The following TMEM132B variants were observed in gnomAD, a reference collection of about 807,000 sequenced individuals.
TMEM132B encodes the protein transmembrane protein 132B.
In TMEM132B, 18 loss-of-function variants were observed where a neutral mutation model predicts 90.8. That is an observed-to-expected ratio of 0.20 (90% CI 0.14 to 0.29). TMEM132B has a LOEUF of 0.29. Ranked by LOEUF, TMEM132B falls within the 10% of genes least tolerant of loss-of-function variation. The pLI is 1.00. For synonymous variants in TMEM132B, 504 were observed against 523.3 expected, an observed-to-expected ratio of 0.96 and a Z score of 0.50; for missense variants, 1,096 against 1,326.8, an observed-to-expected ratio of 0.83 and a Z score of 2.70.
chr12:125,371,365 A>G (rs751391256), intron 2 of TMEM132B, among the ~76,000 whole-genome samples: 3 of 152,180 alleles, frequency 2.0e-5, no homozygotes, highest in Non-Finnish European at 4.4e-5. Flanking sequence ...TAATCATCAC[A>G]GCTGGGAAGA....
intron 5 of TMEM132B, chr12:125,587,245 A>G (rs1273026867): frequency 2.0e-5 from 3 of 149,830 alleles, no homozygotes; most frequent in South Asian, 4.2e-4. Context: ...GCACACACAC[A>G]AGAAGCCTTA....
At chr12:125,515,436 T>TC (rs1883108354) in intron 3 of TMEM132B, among the ~76,000 whole-genome samples, 2 of 124,488 alleles carry the variant, frequency 1.6e-5, no homozygotes, top group Admixed American at 8.4e-5. Flanking sequence ...CTCTCACACA[T>TC]ACACACATTC....
At chr12:125,359,358 A>G (rs978807819) in intron 2 of TMEM132B, among the ~76,000 whole-genome samples, 18 of 152,198 alleles carry the variant, frequency 1.2e-4, no homozygotes, top group African/African-American at 4.3e-4. Flanking sequence ...AATCTATAAT[A>G]TACTTTAGCA....
chr12:125,454,639 C>G (rs1055497971), intron 3 of TMEM132B, among the ~76,000 whole-genome samples: 1 of 152,208 alleles, frequency 6.6e-6, no homozygotes, highest in Admixed American at 6.5e-5. Flanking sequence ...TTATTTATCT[C>G]TTAGGAAAGG....
At chr12:125,255,921 A>G (rs1250038818) in intron 1 of TMEM132B, among the ~76,000 whole-genome samples, 1 of 152,144 alleles carries the variant, frequency 6.6e-6, no homozygotes, top group Admixed American at 6.5e-5. Flanking sequence ...TAGTAAATTC[A>G]CCTGGGCCCT....
chr12:125,508,802 A>G (rs963261576), intron 3 of TMEM132B, among the ~76,000 whole-genome samples: 9 of 146,506 alleles, frequency 6.1e-5, no homozygotes, highest in African/African-American at 1.8e-4. Context: ...TTTTAGAGAC[A>G]GAGTCTCACT....
At chr12:125,384,045 C>A (rs1444082420) in intron 2 of TMEM132B, among the ~76,000 whole-genome samples, 2 of 152,274 alleles carry the variant, frequency 1.3e-5, no homozygotes, top group East Asian at 3.9e-4. Context: ...CTCCTGGGTT[C>A]AAGCGATTCT....
At chr12:125,591,521 T>C (rs1885318222) in intron 5 of TMEM132B, among the ~76,000 whole-genome samples, 1 of 152,230 alleles carries the variant, frequency 6.6e-6, no homozygotes, top group African/African-American at 2.4e-5. Flanking sequence ...ATCAAGATCC[T>C]TAACTTAATG....
chr12:125,648,067 T>C (rs7313496), intron 6 of TMEM132B, among the ~76,000 whole-genome samples: 46,078 of 89,612 alleles, frequency 0.51, 10,274 homozygotes, highest in African/African-American at 0.62. Context: ...CCCCACCCCA[T>C]CACAGTCCCC....
chr12:125,499,659 C>T (rs1369780460), intron 3 of TMEM132B, among the ~76,000 whole-genome samples: 1 of 152,184 alleles, frequency 6.6e-6, no homozygotes, highest in African/African-American at 2.4e-5. Context: ...CATCTTGCCA[C>T]GGCTCTTCTA....
chr12:125,653,765 G>A lies in TMEM132B; in HGVS notation c.2307G>A (p.Met769Ile). 6.2e-7 allele frequency: 1 copy of A among 1,614,220 alleles called. No homozygotes were observed. The highest frequency in any genetic ancestry group is 8.5e-7 in the Non-Finnish European group (1 of 1,180,042). ...GGCCTTTGATTAAGTTAGAAATGAT[G>A]ATAAGTGAACCTTGTCAGAAGACCA... is the stretch of plus-strand genomic sequence containing the variant. The part of the protein sequence containing the change: ...GQGPLIKLEM[M>I]ISEPCQKTKR... The change falls in exon 9 of 9, where the codon ATG (methionine) becomes ATA (isoleucine). Residue 769 changes from methionine (M) to isoleucine (I), a missense_variant. Transcript: ENST00000682704.
intron 4 of TMEM132B, among the ~76,000 whole-genome samples, chr12:125,522,178 A>G (rs1223368191): frequency 1.3e-5 from 2 of 152,090 alleles, no homozygotes; most frequent in African/African-American, 4.8e-5. Context: ...ACTCTGGCTA[A>G]ATTAGTCTCC....
intron 2 of TMEM132B, among the ~76,000 whole-genome samples, chr12:125,379,780 GTGGAGTAAATGCTCCCAGCTCCA>G (rs1878615207): frequency 6.6e-6 from 1 of 152,216 alleles, no homozygotes; most frequent in African/African-American, 2.4e-5. Flanking sequence ...TACATGTCCT[GTGGAGTAAATGCTCCCAGCTCCA>G]GAGCTGAGAT....
intron 1 of TMEM132B, among the ~76,000 whole-genome samples, chr12:125,305,560 A>T (rs1875936622): frequency 6.6e-6 from 1 of 152,172 alleles, no homozygotes; most frequent in Non-Finnish European, 1.5e-5. Flanking sequence ...TTTTCCTAAG[A>T]TGGAGATAAA....
At chr12:125,652,913 A>C (rs1886963530) in intron 8 of TMEM132B, among the ~76,000 whole-genome samples, 1 of 152,226 alleles carries the variant, frequency 6.6e-6, no homozygotes, top group Non-Finnish European at 1.5e-5. Flanking sequence ...GACCATGACC[A>C]AAGGATCACG....
intron 4 of TMEM132B, among the ~76,000 whole-genome samples, chr12:125,558,398 A>G (rs1884443668): frequency 6.6e-6 from 1 of 152,216 alleles, no homozygotes; most frequent in Non-Finnish European, 1.5e-5. Context: ...GACATCATCA[A>G]TTCAATGATT....
At chr12:125,612,602 C>G (rs774240833) in intron 5 of TMEM132B, among the ~76,000 whole-genome samples, 1 of 142,934 alleles carries the variant, frequency 7.0e-6, no homozygotes, top group Non-Finnish European at 1.5e-5. Context: ...ATACTTCAAA[C>G]AGTATATATT....
rs183266947 is a variant in TMEM132B, at chr12:125,598,014, T to C, written c.1437+14020T>C. Among the ~76,000 whole-genome samples, 193 of 152,216 alleles carry C rather than the reference T, an allele frequency of 1.3e-3. 1 individual carries two copies. The highest frequency in any genetic ancestry group is 4.4e-3 in the African/African-American group (184 of 41,542). On this transcript the variant is annotated intron_variant, in intron 5 of 8. Coordinates refer to ENST00000682704, the MANE Select transcript of TMEM132B (RefSeq NM_001366854.1). ...GAATTGGCAATGGGAGCGTTTGTGG[T>C]GTGTAGGATGTGGGAGGATTACGGA...
intron 3 of TMEM132B, among the ~76,000 whole-genome samples, chr12:125,446,153 A>C (rs970816147): frequency 1.3e-5 from 2 of 152,014 alleles, no homozygotes; most frequent in Non-Finnish European, 2.9e-5. Flanking sequence ...GTTAATAGTT[A>C]TTTGTTTTAA....
Sources: allele counts gnomAD v4.1 joint callset (sites outside exome capture counted in the v4.1 genomes callset), GRCh38; gene constraint gnomAD v4.1.1; transcripts MANE v1.5; gene names NCBI Gene and HGNC (gene_info 2026-07-23, HGNC 2026-07-21).